C12orf42: variants seen among roughly 807,000 people sequenced by gnomAD.
The protein encoded by C12orf42 is uncharacterized protein C12orf42.
A neutral mutation model predicts 21.6 loss-of-function variants in C12orf42; 25 were observed. The ratio of observed to expected loss-of-function variants is 1.16; its 90% CI spans 0.84 to 1.62. The LOEUF (loss-of-function observed/expected upper bound fraction) is 1.62, where lower values mean the gene tolerates loss of function less well. C12orf42 is among the 40% of genes most tolerant of loss of function. The pLI is 0.00. For synonymous variants in C12orf42, 174 were observed against 175.0 expected, an observed-to-expected ratio of 0.99 and a Z score of 0.05; for missense variants, 483 against 459.3, an observed-to-expected ratio of 1.05 and a Z score of -0.47.
chr12:103,512,900 G>T, the C12orf42 span, among the ~76,000 whole-genome samples: 7 of 152,152 alleles, frequency 4.6e-5, no homozygotes, highest in Admixed American at 4.6e-4. Flanking sequence ...TACCCTGGAG[G>T]CTGAGGCAGG....
At position 103,302,541 on chromosome 12, in the gene C12orf42, G is replaced by A; in HGVS notation, c.650C>T (p.Ser217Phe). The A allele has an allele frequency of 1.9e-6, 3 of 1,608,826 alleles. No homozygotes were observed. Among genetic ancestry groups the A allele is most frequent in the Non-Finnish European group, 2.5e-6 (3 of 1,177,652 alleles). ...KKNSGSAARP[S>F]TAIGLCRRSQ... ...CCTCCTGCAGAGGCCGATGGCAGTG[G>A]AAGGTCTGGCGGCAGAACCTGGAAG... is the stretch of plus-strand genomic sequence containing the variant. Residue 217 changes from serine (S) to phenylalanine (F), a missense_variant, in exon 6 of 6, where the codon TCC becomes TTC. Coordinates refer to ENST00000548883, the MANE Select transcript of C12orf42 (RefSeq NM_198521.5).
chr12:103,187,696 G>A, the C12orf42 span, among the ~76,000 whole-genome samples: 1 of 151,990 alleles, frequency 6.6e-6, no homozygotes, highest in Non-Finnish European at 1.5e-5. Flanking sequence ...AATGTCCTAA[G>A]TTAAAAAAAA....
At chr12:103,146,492 AAAG>A in the C12orf42 span, among the ~76,000 whole-genome samples, 3 of 150,632 alleles carry the variant, frequency 2.0e-5, no homozygotes. Flanking sequence ...AAAAAAAAAA[AAAG>A]AAAGAAAGAG....
chr12:103,215,718 C>T, the C12orf42 span, among the ~76,000 whole-genome samples: 1 of 152,214 alleles, frequency 6.6e-6, no homozygotes, highest in Non-Finnish European at 1.5e-5. Flanking sequence ...AGTGCACCCT[C>T]CAACCTAGCT....
chr12:103,204,131 A>T, the C12orf42 span, among the ~76,000 whole-genome samples: 1 of 152,158 alleles, frequency 6.6e-6, no homozygotes, highest in African/African-American at 2.4e-5. Context: ...TGCACAGGGG[A>T]AAAGGAAATT....
the C12orf42 span, among the ~76,000 whole-genome samples, chr12:103,095,101 T>C: frequency 1.3e-5 from 2 of 152,188 alleles, no homozygotes; most frequent in Non-Finnish European, 2.9e-5. Context: ...TACTCTGTTT[T>C]AAGCTGCCAC....
chr12:103,195,158 G>A, the C12orf42 span, among the ~76,000 whole-genome samples: 3 of 152,118 alleles, frequency 2.0e-5, no homozygotes, highest in Admixed American at 6.5e-5. Context: ...GGTATACCAC[G>A]GTGCATATGT....
chr12:103,368,135 G>A (rs994129142), intron 4 of C12orf42: 10 of 1,071,840 alleles, frequency 9.3e-6, no homozygotes, highest in Non-Finnish European at 1.1e-5. Context: ...GACAGTCGCA[G>A]GTTGTCAAAA....
At chr12:103,185,446 C>T in the C12orf42 span, among the ~76,000 whole-genome samples, 1 of 152,156 alleles carries the variant, frequency 6.6e-6, no homozygotes, top group Admixed American at 6.5e-5. Context: ...TCAACAATAT[C>T]TACTACAGAC....
chr12:103,315,696 A>T (rs2039407081), intron 4 of C12orf42, among the ~76,000 whole-genome samples: 1 of 152,200 alleles, frequency 6.6e-6, no homozygotes, highest in Non-Finnish European at 1.5e-5. Flanking sequence ...GACACAAAAC[A>T]GTAGATCCAG....
the C12orf42 span, among the ~76,000 whole-genome samples, chr12:103,189,705 A>G: frequency 5.9e-5 from 9 of 152,160 alleles, no homozygotes; most frequent in African/African-American, 2.2e-4. Context: ...CCACAAACCC[A>G]GGCACCAGGC....
At chr12:103,169,979 T>A in the C12orf42 span, among the ~76,000 whole-genome samples, 37 of 152,140 alleles carry the variant, frequency 2.4e-4, no homozygotes, top group Non-Finnish European at 5.1e-4. Flanking sequence ...GAATAAAGTA[T>A]GTTTAATTTT....
In C12orf42 at chr12:103,443,944, T is replaced by C. The variant is rs116529128; in HGVS notation, c.78+34405A>G. Among the ~76,000 whole-genome samples, 833 of 152,264 alleles carry C rather than the reference T, an allele frequency of 5.5e-3. 10 individuals are homozygous for C. Among genetic ancestry groups the C allele is most frequent in the African/African-American group, 0.019 (786 of 41,566 alleles). Reference sequence around the variant, plus strand: ...TATTTCCAGATTTCATGTTGCACATTTTTTTAACATTTTAATGTTTCTAAA... The same window carrying C: ...TATTTCCAGATTTCATGTTGCACATCTTTTTAACATTTTAATGTTTCTAAA... On this transcript the variant is annotated intron_variant, in intron 2 of 5. Transcript: ENST00000548883.
chr12:103,140,117 G>T, the C12orf42 span, among the ~76,000 whole-genome samples: 1 of 152,138 alleles, frequency 6.6e-6, no homozygotes, highest in Admixed American at 6.5e-5. Flanking sequence ...CCTCTTCCTG[G>T]TTGTCACTGG....
At chr12:103,201,074 T>G in the C12orf42 span, among the ~76,000 whole-genome samples, 198 of 152,298 alleles carry the variant, frequency 1.3e-3, 2 homozygotes, top group African/African-American at 4.7e-3. Flanking sequence ...ATACGGCAGA[T>G]GAGGCAAAAC....
chr12:103,368,055 G>T (rs1303586452), intron 4 of C12orf42: 1 of 1,284,628 alleles, frequency 7.8e-7, no homozygotes, highest in Middle Eastern at 2.2e-4. Flanking sequence ...CTCTTAGGTA[G>T]TAAATTGGAC....
Position 103,238,521 on chromosome 12 carries a change from C to T in C12orf42, c.*1367-619G>A, listed in dbSNP as rs183859344. Among the ~76,000 whole-genome samples the T allele has an allele frequency of 9.2e-5, 14 of 152,306 alleles. No individual in the cohort carries two copies. In the East Asian group the frequency reaches 2.5e-3, roughly 27 times the overall value. ...GTTTGGGCACCACTGGACCAGAGAG[C>T]AGCTACACTGCTTGGATATAATCTG... On this transcript the variant is annotated intron_variant and NMD_transcript_variant, in intron 10 of 10. Transcript: ENST00000547347.
chr12:103,047,741 G>A, the C12orf42 span, among the ~76,000 whole-genome samples: 1 of 152,180 alleles, frequency 6.6e-6, no homozygotes, highest in Non-Finnish European at 1.5e-5. Flanking sequence ...GCTGACATCA[G>A]CTTTGGGCCA....
At chr12:103,050,219 G>GGTGTGT in the C12orf42 span, among the ~76,000 whole-genome samples, 1,407 of 148,732 alleles carry the variant, frequency 9.5e-3, 20 homozygotes, top group African/African-American at 0.031. Context: ...TTTTCTCACA[G>GGTGTGT]GTGTGTGTGT....
Sources: allele counts gnomAD v4.1 joint callset (sites outside exome capture counted in the v4.1 genomes callset), GRCh38; gene constraint gnomAD v4.1.1; transcripts MANE v1.5; gene names NCBI Gene and HGNC (gene_info 2026-07-23, HGNC 2026-07-21).